The following GLP2R variants were observed in gnomAD, a reference collection of about 807,000 sequenced individuals.
GLP2R encodes glucagon like peptide 2 receptor.
A neutral mutation model predicts 68.2 loss-of-function variants in GLP2R; 59 were observed. The ratio of observed to expected loss-of-function variants is 0.87; its 90% CI spans 0.70 to 1.07. The LOEUF (loss-of-function observed/expected upper bound fraction) is 1.07. Among genes scored for constraint, GLP2R ranks in the 50% least tolerant of loss-of-function variants. GLP2R has a pLI of 0.00. For missense variants in GLP2R, 548 were observed against 677.4 expected (o/e 0.81, Z 2.12); for synonymous variants, 270 against 265.4 (o/e 1.02, Z -0.17).
At chr17:9,851,140 T>A (rs542460558) in intron 4 of GLP2R, among the ~76,000 whole-genome samples, 1 of 152,324 alleles carries the variant, frequency 6.6e-6, no homozygotes, top group Admixed American at 6.5e-5. Context: ...AACACACACG[T>A]GTTTTAAAAA....
rs137861246 is a variant in GLP2R, at chr17:9,827,030, C to T, written c.189+778C>T. 1.6e-3 allele frequency among the ~76,000 whole-genome samples: 237 copies of T among 152,114 alleles called. 2 individuals are homozygous for T. Among genetic ancestry groups the T allele is most frequent in the African/African-American group, 5.4e-3 (225 of 41,504 alleles). On this transcript the variant is annotated intron_variant, in intron 1 of 12. Transcript: ENST00000262441. ...GGGATTACAGGTACGTGCCACCACC[C>T]GGCTAATTTTTGTATTTTAGTAGAG...
At position 9,889,624 on chromosome 17, in the gene GLP2R, C is replaced by T. The variant is rs1159489951; in HGVS notation, c.1581C>T (p.Gly527=). ...AGGACCATGCACGCTGGCCCCGGGG[C>T]AGCAGCCTGTCCGAGTGCAGTGAGG... The part of the protein sequence containing the change: ...PQQDHARWPR[G]SSLSECSEGD... The change falls in exon 13 of 13, where the codon GGC becomes GGT. Residue 527 remains glycine (G), a synonymous_variant. Coordinates refer to ENST00000262441, the MANE Select transcript of GLP2R (RefSeq NM_004246.3). 6.2e-7 allele frequency: 1 copy of T among 1,613,032 alleles called. No homozygotes were observed. The highest frequency in any genetic ancestry group is 1.7e-5 in the Admixed American group (1 of 59,926).
At chr17:9,857,130 C>T (rs1026111390) in intron 5 of GLP2R, among the ~76,000 whole-genome samples, 8 of 152,102 alleles carry the variant, frequency 5.3e-5, no homozygotes, top group African/African-American at 1.4e-4. Flanking sequence ...CCATGTTGGC[C>T]AGGGTGGTCT....
At chr17:9,854,625 G>GT (rs771003257) in intron 5 of GLP2R, 24 bp downstream of exon 5, 1 of 1,353,586 alleles carries the variant, frequency 7.4e-7, no homozygotes, top group Non-Finnish European at 1.1e-6. Context: ...CTGCAGGCAT[G>GT]TGTTCGGGCA....
chr17:9,835,204 T>C (rs1267199358), intron 2 of GLP2R, among the ~76,000 whole-genome samples: 1 of 152,006 alleles, frequency 6.6e-6, no homozygotes, highest in Admixed American at 6.6e-5. Flanking sequence ...AATTTTTGTA[T>C]TTTTAGCAGA....
chr17:9,836,997 C>T (rs1383052187), intron 3 of GLP2R, among the ~76,000 whole-genome samples: 1 of 151,862 alleles, frequency 6.6e-6, no homozygotes, highest in Non-Finnish European at 1.5e-5. Flanking sequence ...CTACAGGCAC[C>T]CACCCCCACC....
intron 10 of GLP2R, 105 bp downstream of exon 10, chr17:9,870,940 A>G: frequency 1.4e-6 from 1 of 700,336 alleles, no homozygotes; most frequent in Non-Finnish European, 2.6e-6. Flanking sequence ...AGGCCAGGGT[A>G]TCAGAAAGAG....
At chr17:9,835,565 T>C (rs1039882146) in intron 2 of GLP2R, among the ~76,000 whole-genome samples, 2 of 152,216 alleles carry the variant, frequency 1.3e-5, no homozygotes, top group South Asian at 4.1e-4. Flanking sequence ...GTTGGTTATG[T>C]GTGACCAAGG....
chr17:9,828,679 G>A (rs943183021), intron 1 of GLP2R, among the ~76,000 whole-genome samples: 2 of 152,134 alleles, frequency 1.3e-5, no homozygotes, highest in Non-Finnish European at 2.9e-5. Context: ...TGCCTACCCG[G>A]GGTGTTTGAA....
intron 9 of GLP2R, among the ~76,000 whole-genome samples, chr17:9,868,800 G>A (rs2067064938): frequency 6.6e-6 from 1 of 152,098 alleles, no homozygotes; most frequent in Admixed American, 6.5e-5. Context: ...ACCTTTCATT[G>A]CCTAGGAGAC....
chr17:9,871,329 G>A (rs1252264756), intron 10 of GLP2R, among the ~76,000 whole-genome samples: 1 of 150,764 alleles, frequency 6.6e-6, no homozygotes, highest in Admixed American at 6.6e-5. Context: ...ACTCCAGCCT[G>A]GGTGACCCTG....
chr17:9,827,094 C>G (rs2152027967), intron 1 of GLP2R, among the ~76,000 whole-genome samples: 1 of 152,194 alleles, frequency 6.6e-6, no homozygotes, highest in African/African-American at 2.4e-5. Flanking sequence ...GTCTTGAACT[C>G]CTGACCTCAA....
At chr17:9,889,252 A>G (rs1408973681) in intron 12 of GLP2R, 118 bp from the exon 13 acceptor site, 2 of 642,166 alleles carry the variant, frequency 3.1e-6, no homozygotes, top group Non-Finnish European at 5.4e-6. Context: ...TGTCTCCCCC[A>G]GTTAAAAGGT....
chr17:9,878,910 C>T (rs975571772), intron 10 of GLP2R, among the ~76,000 whole-genome samples: 3 of 151,906 alleles, frequency 2.0e-5, no homozygotes, highest in Non-Finnish European at 4.4e-5. Flanking sequence ...CTAGTCTGGC[C>T]CCTTTAGAAG....
rs759697282 is a variant in GLP2R at position 9,880,511 on chromosome 17, T to C, written c.1279T>C (p.Phe427Leu). The C allele has an allele frequency of 1.3e-6, 2 of 1,588,872 alleles. No homozygotes were observed. The highest frequency in any genetic ancestry group is 1.7e-6 in the Non-Finnish European group (2 of 1,164,994). Residue 427 changes from phenylalanine to leucine, a missense_variant, in exon 11 of 13, where the codon TTT (phenylalanine) becomes CTT (leucine). Physicochemically the swap from Phe to Leu is conservative, Grantham distance 22. Coordinates refer to ENST00000262441, the MANE Select transcript of GLP2R (RefSeq NM_004246.3). ...RLFIQLTLSSFHGFLVALQYG... is the reference protein window; with the variant it reads ...RLFIQLTLSSLHGFLVALQYG... Reference sequence around the variant, plus strand: ...TTTCATTCAGTTGACACTGAGCTCCTTTCATGTAAGTAGAAATCTGAACCA... The same window carrying C: ...TTTCATTCAGTTGACACTGAGCTCCCTTCATGTAAGTAGAAATCTGAACCA...
chr17:9,883,093 G>A (rs2067212039), intron 11 of GLP2R, among the ~76,000 whole-genome samples: 1 of 151,178 alleles, frequency 6.6e-6, no homozygotes, highest in Non-Finnish European at 1.5e-5. Flanking sequence ...TTATAAACAT[G>A]TTCAGAGATT....
intron 3 of GLP2R, among the ~76,000 whole-genome samples, chr17:9,837,922 T>C (rs1398147237): frequency 6.6e-6 from 1 of 152,148 alleles, no homozygotes; most frequent in Non-Finnish European, 1.5e-5. Flanking sequence ...AATCATCCCA[T>C]TGTGCAACTT....
intron 10 of GLP2R, among the ~76,000 whole-genome samples, chr17:9,879,782 C>T (rs1339076131): frequency 6.6e-6 from 1 of 152,164 alleles, no homozygotes; most frequent in Non-Finnish European, 1.5e-5. Flanking sequence ...TCCTGCAGCC[C>T]TCACTATCAC....
At chr17:9,839,406 T>TCCTCCTCCTTCTCCG (rs1567719636) in intron 3 of GLP2R, among the ~76,000 whole-genome samples, 1 of 151,984 alleles carries the variant, frequency 6.6e-6, no homozygotes, top group Non-Finnish European at 1.5e-5. Flanking sequence ...TTCCTTCTCC[T>TCCTCCTCCTTCTCCG]CCTCCTCCTT....
Sources: gnomAD v4.1 joint callset for allele counts (sites outside exome capture counted in the v4.1 genomes callset) on GRCh38, gnomAD v4.1.1 for gene constraint, MANE v1.5 for transcripts, NCBI Gene and HGNC (gene_info 2026-07-23, HGNC 2026-07-21) for gene names.